TSPEAR: variants seen among roughly 807,000 people sequenced by gnomAD.
TSPEAR encodes thrombospondin-type laminin G domain and EAR repeat-containing protein.
Under a neutral mutation model 71.6 loss-of-function variants are expected in TSPEAR, and 69 were observed. That is an observed-to-expected ratio of 0.96 (90% CI 0.79 to 1.18). TSPEAR has a LOEUF of 1.18. Ranked by LOEUF, TSPEAR falls within the 50% of genes most tolerant of loss-of-function variation. The pLI, the probability that TSPEAR is intolerant of heterozygous loss-of-function variation, is 0.00. For missense variants in TSPEAR, 971 were observed against 894.9 expected, an observed-to-expected ratio of 1.09 and a Z score of -1.09; for synonymous variants, 402 against 387.2, an observed-to-expected ratio of 1.04 and a Z score of -0.45.
rs1555915724 is a variant in TSPEAR at position 44,531,098 on chromosome 21, A to C, written c.578T>G (p.Val193Gly). Residue 193 changes from valine to glycine, a missense_variant, in exon 4 of 12, where the codon GTG becomes GGG. Physicochemically the swap from Val to Gly is moderately radical, Grantham distance 109 (BLOSUM62 -3). Transcript: ENST00000323084. ...ADVPFPATLSVKGARFFVGSR... is the reference protein window; with the variant it reads ...ADVPFPATLSGKGARFFVGSR... ...GCCGACGAAGAATCGAGCTCCTTTC[A>C]CTGACAGGGTGGCTGGGAAGGGCAC... 6.2e-7 allele frequency: 1 copy of C among 1,613,594 alleles called. No homozygotes were observed. Among genetic ancestry groups the C allele is most frequent in the South Asian group, 1.1e-5 (1 of 91,036 alleles).
intron 1 of TSPEAR, among the ~76,000 whole-genome samples, chr21:44,653,848 T>G (rs1555941936): frequency 6.6e-6 from 1 of 152,136 alleles, no homozygotes; most frequent in African/African-American, 2.4e-5. Context: ...GAGGGTGCTG[T>G]TGAGAGGCCG....
rs1198114115 is a variant in TSPEAR at position 44,593,597 on chromosome 21, C to T, written c.83-25592G>A. 1.3e-5 allele frequency among the ~76,000 whole-genome samples: 2 copies of T among 152,144 alleles called. No individual in the cohort carries two copies. The highest frequency in any genetic ancestry group is 4.8e-5 in the African/African-American group (2 of 41,414). On this transcript the variant is annotated intron_variant, in intron 1 of 11. Coordinates refer to ENST00000323084, the MANE Select transcript of TSPEAR (RefSeq NM_144991.3). This position sits in a 1 kb window ranked among gnomAD's most constrained non-coding sequence, Gnocchi z 5.9. ...AAGGGAGGTCAGACACGCCTCGTTA[C>T]ACCCCCTCCCTTTAGGGTTTCGACA...
chr21:44,695,546 A>AT lies in TSPEAR; in HGVS notation c.82+15886dup, dbSNP rs1601574703. On this transcript the variant is annotated intron_variant, in intron 1 of 11. Transcript: ENST00000323084. The surrounding 1 kb of genome is among the most constrained non-coding windows in gnomAD (Gnocchi z 4.5). Reference sequence around the variant, plus strand: ...TCCCAAGACCCTTTTCCCAAGTCCAATTTTTCCTCCAAGTTCCTGGTCCCT... The same window carrying AT: ...TCCCAAGACCCTTTTCCCAAGTCCAATTTTTTCCTCCAAGTTCCTGGTCCCT... 1.3e-5 allele frequency among the ~76,000 whole-genome samples: 2 copies of AT among 151,944 alleles called. No individual in the cohort carries two copies. Among genetic ancestry groups the AT allele is most frequent in the African/African-American group, 4.8e-5 (2 of 41,360 alleles).
chr21:44,646,757 G>A, intron 1 of TSPEAR: 1 of 1,613,792 alleles, frequency 6.2e-7, no homozygotes, highest in East Asian at 2.2e-5. Context: ...CAGGCCTGCT[G>A]TGTGCCTGTC....
intron 1 of TSPEAR, chr21:44,677,039 C>T (rs1986347057): frequency 2.4e-6 from 2 of 827,854 alleles, no homozygotes; most frequent in South Asian, 2.8e-5. Flanking sequence ...CGTTTAAAGT[C>T]ATCCTGAGCT....
rs1284299757 is a variant in TSPEAR, at chr21:44,711,226, G to T, written c.82+207C>A. ...CGTTCTAAAGAGCCGCGTTTCTATT[G>T]CAACTGCCTGCCCTGCGCTTTCATC... On this transcript the variant is annotated intron_variant, in intron 1 of 11. Coordinates refer to ENST00000323084, the MANE Select transcript of TSPEAR (RefSeq NM_144991.3). The surrounding 1 kb of genome is among the most constrained non-coding windows in gnomAD (Gnocchi z 4.5). 6.6e-6 allele frequency among the ~76,000 whole-genome samples: 1 copy of T among 152,098 alleles called. No individual in the cohort carries two copies. The highest frequency in any genetic ancestry group is 1.5e-5 in the Non-Finnish European group (1 of 68,026).
intron 1 of TSPEAR, among the ~76,000 whole-genome samples, chr21:44,705,076 G>T (rs952260145): frequency 9.2e-5 from 14 of 152,218 alleles, no homozygotes; most frequent in Middle Eastern, 3.2e-3. Flanking sequence ...CATGGCAGAA[G>T]AACGTGGATT....
chr21:44,580,842 C>A (rs1022746611), intron 1 of TSPEAR, among the ~76,000 whole-genome samples: 2 of 152,054 alleles, frequency 1.3e-5, no homozygotes, highest in Non-Finnish European at 2.9e-5. Context: ...GTTGCAGGGC[C>A]GTGTTTCTTC....
intron 1 of TSPEAR, among the ~76,000 whole-genome samples, chr21:44,703,583 G>T (rs782262154): frequency 7.2e-5 from 11 of 152,334 alleles, no homozygotes; most frequent in Non-Finnish European, 1.3e-4. Context: ...CCTCTCCCCG[G>T]GAGCCCTGGC....
At chr21:44,607,722 T>C (rs1981405177) in intron 1 of TSPEAR, among the ~76,000 whole-genome samples, 2 of 152,102 alleles carry the variant, frequency 1.3e-5, no homozygotes, top group Admixed American at 1.3e-4. Context: ...TCAGCAAATG[T>C]GTGCAGGAAA....
chr21:44,677,056 A>G, intron 1 of TSPEAR: 1 of 758,930 alleles, frequency 1.3e-6, no homozygotes, highest in East Asian at 2.6e-5. Context: ...AGCTTGGCCC[A>G]CCAGCTCATG....
chr21:44,594,563 G>T (rs964452031), intron 1 of TSPEAR, among the ~76,000 whole-genome samples: 1 of 152,166 alleles, frequency 6.6e-6, no homozygotes, highest in Non-Finnish European at 1.5e-5. Context: ...TCTCACAACC[G>T]CAGAGTGAAA....
intron 2 of TSPEAR, among the ~76,000 whole-genome samples, chr21:44,547,567 G>A (rs587774312): frequency 1.3e-5 from 2 of 152,232 alleles, no homozygotes; most frequent in South Asian, 4.2e-4. Context: ...GTTTTTGCTT[G>A]TTTATGTCAA....
intron 1 of TSPEAR, chr21:44,580,381 G>A (rs782633513): frequency 1.9e-6 from 3 of 1,613,476 alleles, no homozygotes; most frequent in East Asian, 2.2e-5. Context: ...TGCAGGAGCT[G>A]GTGCAGCCTG....
In TSPEAR at chr21:44,574,672, C is replaced by A. The variant is rs781811094; in HGVS notation, c.83-6667G>T. On this transcript the variant is annotated intron_variant, in intron 1 of 11. Transcript: ENST00000323084. Reference sequence around the variant, plus strand: ...TGCTGCCAGCAGTCTAGCTGCCAGCCAGCTTGCTGCACCTCCTCCCAAAGC... The same window carrying A: ...TGCTGCCAGCAGTCTAGCTGCCAGCAAGCTTGCTGCACCTCCTCCCAAAGC... 3 of 1,602,494 alleles carry A rather than the reference C, an allele frequency of 1.9e-6. No homozygotes were observed. The Admixed American group carries it at 5.1e-5, about 27-fold the overall frequency.
chr21:44,563,494 A>G (rs2053665449), intron 2 of TSPEAR, among the ~76,000 whole-genome samples: 1 of 152,188 alleles, frequency 6.6e-6, no homozygotes, highest in Admixed American at 6.5e-5. Context: ...AAACAGTGTC[A>G]TGGGAAAACA....
intron 1 of TSPEAR, among the ~76,000 whole-genome samples, chr21:44,588,728 G>GTATATGTA (rs1979521381): frequency 7.5e-6 from 1 of 132,660 alleles, no homozygotes; most frequent in South Asian, 2.3e-4. Flanking sequence ...ATATGTGTGT[G>GTATATGTA]TATATATGTA....
intron 1 of TSPEAR, among the ~76,000 whole-genome samples, chr21:44,584,227 G>T (rs781954240): frequency 1.3e-5 from 2 of 152,124 alleles, no homozygotes; most frequent in Non-Finnish European, 2.9e-5. Context: ...CTAGCATAGT[G>T]TGTGCAGGTT....
intron 1 of TSPEAR, among the ~76,000 whole-genome samples, chr21:44,709,616 C>T (rs537215483): frequency 5.1e-4 from 78 of 152,380 alleles, no homozygotes; most frequent in Admixed American, 2.6e-3. Flanking sequence ...AACCACCCGC[C>T]GCGGCTCCAC....
Sources: allele counts gnomAD v4.1 joint callset (sites outside exome capture counted in the v4.1 genomes callset), GRCh38; gene constraint gnomAD v4.1.1; non-coding constraint Gnocchi (gnomAD v3.1); transcripts MANE v1.5; gene names NCBI Gene and HGNC (gene_info 2026-07-23, HGNC 2026-07-21).